OGN: variants seen among roughly 807,000 people sequenced by gnomAD.
The protein encoded by OGN is osteoglycin.
Under a neutral mutation model 30.8 loss-of-function variants are expected in OGN, and 19 were observed. The ratio of observed to expected loss-of-function variants is 0.62; its 90% CI spans 0.43 to 0.90. The LOEUF is 0.90. OGN is among the 40% of genes least tolerant of loss of function. The probability of loss-of-function intolerance (pLI) is 0.00; values close to 1 mark genes in which losing one functional copy is unlikely to be tolerated. For synonymous variants in OGN, 126 were observed against 128.3 expected (o/e 0.98, Z 0.12); for missense variants, 283 against 349.7 (o/e 0.81, Z 1.52).
At chr9:92,386,637 T>C (rs1440558987) in intron 5 of OGN, among the ~76,000 whole-genome samples, 2 of 152,176 alleles carry the variant, frequency 1.3e-5, no homozygotes, top group Admixed American at 1.3e-4. Flanking sequence ...TGAGTCCCTA[T>C]GTGGGATTGA....
chr9:92,400,695 G>A lies in OGN; in HGVS notation c.268+397C>T, dbSNP rs1044877220. Among the ~76,000 whole-genome samples, 20 of 152,330 alleles carry A rather than the reference G, an allele frequency of 1.3e-4. No individual in the cohort carries two copies. The South Asian group carries it at 3.5e-3, about 27-fold the overall frequency. On this transcript the variant is annotated intron_variant, in intron 3 of 6. Transcript: ENST00000375561. ...ACAAGTTTTCTATTTTAATTGAAAT[G>A]TATGTGTAATTATTGATGTATATGT...
At chr9:92,402,139 T>C (rs1843140760) in intron 2 of OGN, among the ~76,000 whole-genome samples, 1 of 152,224 alleles carries the variant, frequency 6.6e-6, no homozygotes, top group African/African-American at 2.4e-5. Context: ...GGAATCTTAA[T>C]AGATTCAAAT....
At chr9:92,402,038 C>T (rs72752454) in intron 2 of OGN, among the ~76,000 whole-genome samples, 4,671 of 152,098 alleles carry the variant, frequency 0.031, 111 homozygotes, top group South Asian at 0.084. Context: ...TATCTTAGAC[C>T]CTGCATTTAT....
intron 5 of OGN, 91 bp downstream of exon 5, chr9:92,389,763 T>G: frequency 1.3e-6 from 1 of 780,326 alleles, no homozygotes; most frequent in Middle Eastern, 3.7e-4. Flanking sequence ...AGTTTTTAAG[T>G]GTAATCAAAA....
intron 3 of OGN, among the ~76,000 whole-genome samples, chr9:92,399,430 G>C (rs1843019671): frequency 6.6e-6 from 1 of 151,872 alleles, no homozygotes; most frequent in African/African-American, 2.4e-5. Flanking sequence ...AGAGTTACTA[G>C]ATCTTTATTT....
intron 4 of OGN, among the ~76,000 whole-genome samples, chr9:92,391,447 C>G (rs10761155): frequency 0.37 from 56,181 of 151,374 alleles, 12,843 homozygotes; most frequent in African/African-American, 0.64. Flanking sequence ...TACAATAAAA[C>G]AAGTAACCAG....
Position 92,393,236 on chromosome 9 carries a change from TG to T in OGN, c.276del (p.Thr93ArgfsTer8). 1 of 1,569,626 alleles carries T rather than the reference TG, an allele frequency of 6.4e-7. No homozygotes were observed. The highest frequency in any genetic ancestry group is 8.6e-7 in the Non-Finnish European group (1 of 1,158,228). On this transcript the variant is annotated frameshift_variant, in exon 4 of 7. Transcript: ENST00000375561. LOFTEE classifies it high-confidence loss of function. The part of the protein sequence containing the change: ...LPPKKENDEM[P>X]TCLLCVCLSG... Reference sequence around the variant, plus strand: ...CTTAAACAAACACACAGCAGACACGTGGGCATTTCTAAATTGGGAATAAAAT... The same window carrying T: ...CTTAAACAAACACACAGCAGACACGTGGCATTTCTAAATTGGGAATAAAAT...
chr9:92,400,945 A>G, intron 3 of OGN, 147 bp downstream of exon 3: 2 of 519,976 alleles, frequency 3.8e-6, no homozygotes, highest in Non-Finnish European at 6.8e-6. Context: ...AATGGTGTGC[A>G]CTCCCAGTTT....
intron 3 of OGN, among the ~76,000 whole-genome samples, chr9:92,400,822 G>A (rs1019857230): frequency 3.9e-5 from 6 of 152,272 alleles, no homozygotes; most frequent in East Asian, 1.9e-4. Context: ...AGTATTTCTC[G>A]AATAGATTTT....
chr9:92,392,092 T>C lies in OGN; in HGVS notation c.427+994A>G, dbSNP rs1842710456. Among the ~76,000 whole-genome samples the C allele has an allele frequency of 2.0e-5, 3 of 151,856 alleles. No individual in the cohort carries two copies. The South Asian group carries it at 6.2e-4, about 32-fold the overall frequency. Reference sequence around the variant, plus strand: ...AGAAATTAGTGATCTAGGACTGGGATTTGGTACTGCAGAAATGGAGGATTC... The same window carrying C: ...AGAAATTAGTGATCTAGGACTGGGACTTGGTACTGCAGAAATGGAGGATTC... On this transcript the variant is annotated intron_variant, in intron 4 of 6. Coordinates refer to ENST00000375561, the MANE Select transcript of OGN (RefSeq NM_014057.5).
chr9:92,402,337 G>T (rs1843149263), intron 2 of OGN, among the ~76,000 whole-genome samples: 1 of 152,118 alleles, frequency 6.6e-6, no homozygotes, highest in African/African-American at 2.4e-5. Flanking sequence ...CTGCAAAAAA[G>T]AAAAGAGAAA....
chr9:92,403,079 A>T (rs1004984536), intron 2 of OGN, among the ~76,000 whole-genome samples, 155 bp downstream of exon 2: 1 of 152,170 alleles, frequency 6.6e-6, no homozygotes, highest in Non-Finnish European at 1.5e-5. Context: ...ATACTCTAAA[A>T]ATACAATCTT....
intron 3 of OGN, among the ~76,000 whole-genome samples, chr9:92,397,493 A>AT (rs1055629238): frequency 2.0e-5 from 3 of 151,804 alleles, no homozygotes; most frequent in East Asian, 3.9e-4. Flanking sequence ...TGCCCAGCTA[A>AT]TTTTTTTTGT....
At chr9:92,389,811 A>G (rs1174495241) in intron 5 of OGN, 43 bp downstream of exon 5, 1 of 1,308,694 alleles carries the variant, frequency 7.6e-7, no homozygotes, top group Non-Finnish European at 1.1e-6. Flanking sequence ...TATCTATCAT[A>G]TCATCACTCA....
chr9:92,398,949 C>A (rs1476724558), intron 3 of OGN, among the ~76,000 whole-genome samples: 11 of 152,012 alleles, frequency 7.2e-5, no homozygotes, highest in African/African-American at 2.4e-4. Context: ...GTAATCCCAG[C>A]TACTCGGAGG....
intron 4 of OGN, among the ~76,000 whole-genome samples, chr9:92,392,345 C>T (rs200573737): frequency 3.9e-5 from 6 of 152,088 alleles, no homozygotes; most frequent in Non-Finnish European, 5.9e-5. Context: ...ACTTCCCTGC[C>T]GGGCATGGTG....
intron 3 of OGN, among the ~76,000 whole-genome samples, chr9:92,398,787 T>A (rs1257495159): frequency 1.3e-5 from 2 of 152,166 alleles, no homozygotes; most frequent in Non-Finnish European, 2.9e-5. Flanking sequence ...TTTCTCAAAG[T>A]TGGCCGGGAG....
intron 3 of OGN, among the ~76,000 whole-genome samples, 182 bp from the exon 4 acceptor site, chr9:92,393,426 T>C (rs1842769586): frequency 6.6e-6 from 1 of 152,214 alleles, no homozygotes; most frequent in Admixed American, 6.5e-5. Flanking sequence ...ACCAGAATAT[T>C]GTTTGAGAAT....
intron 3 of OGN, among the ~76,000 whole-genome samples, chr9:92,396,843 A>T (rs923580540): frequency 2.0e-5 from 3 of 152,074 alleles, no homozygotes; most frequent in Non-Finnish European, 4.4e-5. Flanking sequence ...AACATCTTTT[A>T]TATCTATTTC....
Sources: gnomAD v4.1 joint callset for allele counts (sites outside exome capture counted in the v4.1 genomes callset) on GRCh38, gnomAD v4.1.1 for gene constraint, MANE v1.5 for transcripts, NCBI Gene and HGNC (gene_info 2026-07-23, HGNC 2026-07-21) for gene names.